Variants in GRIK2 observed in about 807,000 individuals in gnomAD.
GRIK2 encodes the protein glutamate receptor ionotropic, kainate 2.
Under a neutral mutation model 100.3 loss-of-function variants are expected in GRIK2, and 32 were observed. That is an observed-to-expected ratio of 0.32 (90% CI 0.24 to 0.43). The LOEUF is 0.43. Ranked by LOEUF, GRIK2 falls within the 20% of genes least tolerant of loss-of-function variation. The pLI, the probability that GRIK2 is intolerant of heterozygous loss-of-function variation, is 1.00. For missense variants in GRIK2, 843 were observed against 1,114.9 expected (o/e 0.76, Z 3.47); for synonymous variants, 417 against 389.4 (o/e 1.07, Z -0.83).
intron 10 of GRIK2, among the ~76,000 whole-genome samples, chr6:101,842,117 G>A (rs1783542042): frequency 1.3e-5 from 2 of 152,228 alleles, no homozygotes; most frequent in Non-Finnish European, 2.9e-5. Context: ...GTGAGTGATC[G>A]TTTTTAACGA....
At chr6:101,882,010 AG>A (rs946984344) in intron 11 of GRIK2, among the ~76,000 whole-genome samples, 51 of 152,190 alleles carry the variant, frequency 3.4e-4, no homozygotes, top group South Asian at 1.0e-3. Flanking sequence ...GGAAGGCAAA[AG>A]GCATGTCTCA....
At chr6:101,489,091 T>C (rs1772973811) in intron 2 of GRIK2, among the ~76,000 whole-genome samples, 1 of 146,770 alleles carries the variant, frequency 6.8e-6, no homozygotes, top group Non-Finnish European at 1.5e-5. Flanking sequence ...TTTAATTTTT[T>C]AATATAAACC....
rs1196468173 is a variant in GRIK2, at chr6:101,889,644, C to T, written c.1529C>T (p.Ala510Val). ...TTTGTTTGTTTCTGTCTACAGAAAG[C>T]TGACCTTGCAGTTGCTCCACTGGCT... ...GMVRELIDHK[A>V]DLAVAPLAIT... is the part of the protein sequence containing the mutation. Residue 510 changes from alanine to valine, a missense_variant, in exon 12 of 17, where the codon GCT (alanine) becomes GTT (valine). Physicochemically the swap from Ala to Val is moderately conservative, Grantham distance 64 (BLOSUM62 0). Around this residue, in one of 3 missense-constraint regions of GRIK2, gnomAD observed 519 missense variants for 643.8 expected, o/e 0.81. Coordinates refer to ENST00000369134, the MANE Select transcript of GRIK2 (RefSeq NM_021956.5). The T allele has an allele frequency of 6.9e-6, 10 of 1,456,374 alleles. No individual in the cohort carries two copies. Among genetic ancestry groups the T allele is most frequent in the Non-Finnish European group, 9.4e-6 (10 of 1,061,638 alleles). The allele number at this position is 1,456,374 out of a possible 1,614,324, so 90.2% of individuals were successfully genotyped here. A position where few individuals can be genotyped will look rare whatever the true frequency, so the allele number is the denominator to read the frequency against.
chr6:101,621,995 A>G lies in GRIK2; in HGVS notation c.162A>G (p.Glu54=). 1 of 1,609,664 alleles carries G rather than the reference A, an allele frequency of 6.2e-7. No individual in the cohort carries two copies. The highest frequency in any genetic ancestry group is 8.5e-7 in the Non-Finnish European group (1 of 1,176,112). The change falls in exon 3 of 17, where the codon GAA becomes GAG. Residue 54 remains glutamate, a synonymous_variant. Transcript: ENST00000369134. ...YVESGPMGAE[E]LAFRFAVNTI... ...AATCTGGCCCAATGGGAGCTGAGGA[A>G]CTTGCATTCAGATTTGCTGTGAACA...
rs778389477 is a variant in GRIK2, at chr6:101,859,500, C to T, written c.1524+7C>T. ...TCGTGAACTAATTGATCATGTAAGT[C>T]CCTTCCCTCATGATTTATTAGTTTG... On this transcript the variant is annotated splice_region_variant and intron_variant, in intron 11 of 16. Coordinates refer to ENST00000369134, the MANE Select transcript of GRIK2 (RefSeq NM_021956.5). 6 of 1,487,664 alleles carry T rather than the reference C, an allele frequency of 4.0e-6. No individual in the cohort carries two copies. In the East Asian group the frequency reaches 1.4e-4, roughly 34 times the overall value. The allele number at this position is 1,487,664 out of a possible 1,614,324, so 92.2% of individuals were successfully genotyped here. A position where few individuals can be genotyped will look rare whatever the true frequency, so the allele number is the denominator to read the frequency against.
At chr6:101,543,182 C>T (rs1776087338) in intron 2 of GRIK2, among the ~76,000 whole-genome samples, 1 of 152,168 alleles carries the variant, frequency 6.6e-6, no homozygotes, top group African/African-American at 2.4e-5. Flanking sequence ...CCTGGAAGAA[C>T]ATCTAATGCA....
At chr6:101,475,578 T>C (rs1037394958) in intron 2 of GRIK2, among the ~76,000 whole-genome samples, 1 of 152,020 alleles carries the variant, frequency 6.6e-6, no homozygotes, top group South Asian at 2.1e-4. Flanking sequence ...TTTTTGTGTG[T>C]GTCTGTTTTG....
intron 4 of GRIK2, 30 bp from the exon 5 acceptor site, chr6:101,676,590 ATAT>A (rs760116360): frequency 1.6e-6 from 2 of 1,280,160 alleles, no homozygotes; most frequent in African/African-American, 3.2e-5. Flanking sequence ...TTTATCTCTA[ATAT>A]TCTTTTTTTT....
chr6:101,943,831 CTT>C, intron 14 of GRIK2, among the ~76,000 whole-genome samples: 1 of 152,212 alleles, frequency 6.6e-6, no homozygotes, highest in South Asian at 2.1e-4. Flanking sequence ...TCAGATGAAA[CTT>C]GGATTGGACT....
intron 7 of GRIK2, among the ~76,000 whole-genome samples, chr6:101,755,168 T>G (rs1041896855): frequency 1.4e-5 from 2 of 140,698 alleles, no homozygotes; most frequent in African/African-American, 5.3e-5. Context: ...TTGGTTTTTT[T>G]TTTTTTTTTT....
At chr6:101,631,118 T>G (rs1316931342) in intron 4 of GRIK2, among the ~76,000 whole-genome samples, 1 of 152,152 alleles carries the variant, frequency 6.6e-6, no homozygotes, top group Non-Finnish European at 1.5e-5. Context: ...TGAATGCTTT[T>G]AAACACGCTG....
At chr6:101,866,970 C>T (rs531730092) in intron 11 of GRIK2, among the ~76,000 whole-genome samples, 1 of 151,700 alleles carries the variant, frequency 6.6e-6, no homozygotes, top group Admixed American at 6.6e-5. Flanking sequence ...TAGTTTGTCA[C>T]ATTTAGTCAT....
At chr6:101,480,735 A>T (rs1772485225) in intron 2 of GRIK2, among the ~76,000 whole-genome samples, 1 of 152,192 alleles carries the variant, frequency 6.6e-6, no homozygotes, top group Admixed American at 6.5e-5. Context: ...AAAGAAAAAA[A>T]ACTGGGATAA....
chr6:101,663,419 G>T (rs1389468710), intron 4 of GRIK2, among the ~76,000 whole-genome samples: 1 of 152,142 alleles, frequency 6.6e-6, no homozygotes, highest in Non-Finnish European at 1.5e-5. Context: ...TGCCTGTGAA[G>T]TGGCCATCAG....
intron 7 of GRIK2, among the ~76,000 whole-genome samples, chr6:101,792,824 C>T (rs9390782): frequency 0.11 from 16,846 of 151,988 alleles, 2,010 homozygotes; most frequent in East Asian, 0.66. Flanking sequence ...GTTCCATTCT[C>T]CCCGTCTCTT....
In GRIK2 at chr6:102,068,547, T is replaced by C; in HGVS notation, c.*36T>C. On this transcript the variant is annotated 3_prime_UTR_variant, in exon 17 of 17. Coordinates refer to ENST00000369134, the MANE Select transcript of GRIK2 (RefSeq NM_021956.5). ...CCAAACACCCAAGCACAAACTGTCG[T>C]CTTTTTCCAAACAATTTAGCCAGAA... 6.3e-7 allele frequency: 1 copy of C among 1,589,396 alleles called. No individual in the cohort carries two copies. Among genetic ancestry groups the C allele is most frequent in the Admixed American group, 1.7e-5 (1 of 58,010 alleles).
rs904420077 is a variant in GRIK2, at chr6:101,614,875, A to G, written c.116-7074A>G. Among the ~76,000 whole-genome samples, 14 of 151,912 alleles carry G rather than the reference A, an allele frequency of 9.2e-5. No individual in the cohort carries two copies. In the East Asian group the frequency reaches 2.1e-3, roughly 23 times the overall value. On this transcript the variant is annotated intron_variant, in intron 2 of 16. Coordinates refer to ENST00000369134, the MANE Select transcript of GRIK2 (RefSeq NM_021956.5). ...AGATGTGACGTTGGTTGGTACATCC[A>G]TCATGGGTTTATGAGTCATACAGTC...
intron 4 of GRIK2, among the ~76,000 whole-genome samples, chr6:101,663,567 G>C (rs2128335002): frequency 6.6e-6 from 1 of 152,282 alleles, no homozygotes; most frequent in African/African-American, 2.4e-5. Flanking sequence ...GATTATGCTT[G>C]TTGTCTTTGT....
intron 2 of GRIK2, among the ~76,000 whole-genome samples, chr6:101,568,335 C>T (rs1777378362): frequency 6.6e-6 from 1 of 151,950 alleles, no homozygotes; most frequent in Non-Finnish European, 1.5e-5. Context: ...TGCTCACAAC[C>T]ATGGGTACCA....
Sources: allele counts gnomAD v4.1 joint callset (sites outside exome capture counted in the v4.1 genomes callset), GRCh38; gene constraint gnomAD v4.1.1; regional missense constraint gnomAD v4.1.1; transcripts MANE v1.5; gene names NCBI Gene and HGNC (gene_info 2026-07-23, HGNC 2026-07-21).